RFFL: variants seen among roughly 807,000 people sequenced by gnomAD.
RFFL encodes the protein ring finger and FYVE like domain containing E3 ubiquitin protein ligase.
A neutral mutation model predicts 40.4 loss-of-function variants in RFFL; 16 were observed. The ratio of observed to expected loss-of-function variants is 0.40; its 90% CI spans 0.27 to 0.60. RFFL has a LOEUF of 0.60. Ranked by LOEUF, RFFL falls within the 20% of genes least tolerant of loss-of-function variation. RFFL has a pLI of 0.47. For missense variants in RFFL, 367 were observed against 451.7 expected (o/e 0.81, Z 1.70); for synonymous variants, 154 against 167.9 (o/e 0.92, Z 0.64).
At chr17:35,047,187 AT>A (rs1034467820) in intron 1 of RFFL, among the ~76,000 whole-genome samples, 2 of 151,706 alleles carry the variant, frequency 1.3e-5, no homozygotes, top group African/African-American at 4.8e-5. Flanking sequence ...GGTAACCAGG[AT>A]TTTTTTTTAA....
chr17:35,030,339 C>G (rs2091074750), intron 1 of RFFL, among the ~76,000 whole-genome samples: 1 of 150,546 alleles, frequency 6.6e-6, no homozygotes, highest in South Asian at 2.1e-4. Flanking sequence ...TTCTCCACAT[C>G]CTCTCCAGCA....
At chr17:35,046,246 C>T (rs1380782517) in intron 1 of RFFL, among the ~76,000 whole-genome samples, 2 of 152,164 alleles carry the variant, frequency 1.3e-5, no homozygotes, top group South Asian at 2.1e-4. Context: ...GGAAGAGGAA[C>T]AAGACGGTCA....
chr17:35,027,915 C>T (rs1433429599), intron 1 of RFFL, among the ~76,000 whole-genome samples: 2 of 151,974 alleles, frequency 1.3e-5, no homozygotes, highest in East Asian at 1.9e-4. Context: ...CGCCTGTAAC[C>T]CCAGCTACTT....
intron 1 of RFFL, among the ~76,000 whole-genome samples, chr17:35,086,728 C>G (rs1003192366): frequency 6.6e-6 from 1 of 152,098 alleles, no homozygotes; most frequent in Non-Finnish European, 1.5e-5. Context: ...TTATGAGATT[C>G]TAAGGTATAG....
chr17:35,039,318 C>G (rs2091147237), intron 1 of RFFL, among the ~76,000 whole-genome samples: 1 of 152,126 alleles, frequency 6.6e-6, no homozygotes. Context: ...CTGCTGGGTT[C>G]AAGCGATTCT....
chr17:35,014,224 T>G (rs1392663574), intron 6 of RFFL, among the ~76,000 whole-genome samples: 1 of 152,106 alleles, frequency 6.6e-6, no homozygotes, highest in Admixed American at 6.5e-5. Context: ...GATATATAGC[T>G]TGTGCCCAGA....
chr17:35,013,600 G>A (rs1327674534), intron 6 of RFFL, among the ~76,000 whole-genome samples: 1 of 152,188 alleles, frequency 6.6e-6, no homozygotes, highest in Non-Finnish European at 1.5e-5. Flanking sequence ...TTCCCCCTAG[G>A]AGGTAGGCTG....
chr17:35,017,629 T>C, intron 3 of RFFL, 23 bp from the exon 4 acceptor site: 1 of 1,520,028 alleles, frequency 6.6e-7, no homozygotes, highest in Non-Finnish European at 9.1e-7. Context: ...AAAAGTAACA[T>C]CACATCTAGA....
intron 1 of RFFL, among the ~76,000 whole-genome samples, chr17:35,077,842 A>C (rs1032816652): frequency 6.6e-6 from 1 of 152,226 alleles, no homozygotes; most frequent in Non-Finnish European, 1.5e-5. Flanking sequence ...CAGGGAGGCC[A>C]AAAGATGGCA....
intron 5 of RFFL, 98 bp downstream of exon 5, chr17:35,016,272 T>G (rs2090972385): frequency 9.4e-7 from 1 of 1,067,164 alleles, no homozygotes; most frequent in Non-Finnish European, 1.4e-6. Context: ...CTTCCATGGC[T>G]TAAGTGTGGA....
chr17:35,067,550 C>T (rs540509711), upstream of RFFL, among the ~76,000 whole-genome samples: 10 of 151,232 alleles, frequency 6.6e-5, no homozygotes, highest in African/African-American at 2.2e-4. Flanking sequence ...CCTCCACCTC[C>T]GGGTTCAAGC....
At chr17:35,086,391 T>C (rs769160191) in intron 1 of RFFL, among the ~76,000 whole-genome samples, 1 of 151,644 alleles carries the variant, frequency 6.6e-6, no homozygotes, top group Admixed American at 6.6e-5. Flanking sequence ...GAGGCGAGGA[T>C]TGCGTGAGCC....
Position 35,010,384 on chromosome 17 carries a change from C to T in RFFL, c.*1584G>A, listed in dbSNP as rs553062713. The stretch of plus-strand genomic sequence containing the variant: ...AGCAAACTCTTAAGTCCTCCAGCTC[C>T]TCTAGGGGTGTAAAGACTGTGAGGG... On this transcript the variant is annotated 3_prime_UTR_variant, in exon 7 of 7. Transcript: ENST00000394597. 1 of 152,258 alleles carries T rather than the reference C, an allele frequency of 6.6e-6. No homozygotes were observed. Among genetic ancestry groups the T allele is most frequent in the Non-Finnish European group, 1.5e-5 (1 of 68,080 alleles). 9.4% of individuals were successfully genotyped at this position (152,258 alleles called of 1,614,324 possible).
intron 1 of RFFL, among the ~76,000 whole-genome samples, chr17:35,083,869 C>A (rs1478865931): frequency 6.6e-6 from 1 of 151,110 alleles, no homozygotes; most frequent in East Asian, 2.0e-4. Context: ...GGAGATAATG[C>A]CCCCCCCACC....
At chr17:35,047,511 A>G (rs2091206120) in intron 1 of RFFL, among the ~76,000 whole-genome samples, 2 of 152,196 alleles carry the variant, frequency 1.3e-5, no homozygotes. Flanking sequence ...TAATTTAAAG[A>G]AAGTACTTTG....
In RFFL at chr17:35,006,602, A is replaced by T. The variant is rs1262265989; in HGVS notation, c.*5366T>A. On this transcript the variant is annotated 3_prime_UTR_variant, in exon 7 of 7. Coordinates refer to ENST00000394597, the MANE Select transcript of RFFL (RefSeq NM_001017368.2). ...AGACCCTACCCGGGAGAAGGGCCTAACCTATGACTTTAGAACCCTCAGTTG... is the reference window on the plus strand; with the variant it reads ...AGACCCTACCCGGGAGAAGGGCCTATCCTATGACTTTAGAACCCTCAGTTG... The T allele has an allele frequency of 6.6e-6, 1 of 152,180 alleles. No homozygotes were observed. The highest frequency in any genetic ancestry group is 2.4e-5 in the African/African-American group (1 of 41,414). 9.4% of individuals were successfully genotyped at this position (152,180 alleles called of 1,614,324 possible). A position where few individuals can be genotyped will look rare whatever the true frequency, so the allele number is the denominator to read the frequency against.
rs577120335 is a variant in RFFL at position 35,021,235 on chromosome 17, A to G, written c.591+136T>C. On this transcript the variant is annotated intron_variant, in intron 3 of 6. Coordinates refer to ENST00000394597, the MANE Select transcript of RFFL (RefSeq NM_001017368.2). ...CTGATACCCAGAAAACACTTGGTGC[A>G]CCAGTAGTCAGAAAGGCTTCACATA... The G allele has an allele frequency of 3.2e-4, 276 of 855,168 alleles. 2 individuals are homozygous for G. In the South Asian group the frequency reaches 6.1e-3, roughly 19 times the overall value. The allele number at this position is 855,168 out of a possible 1,614,324, so 53.0% of individuals were successfully genotyped here. A position where few individuals can be genotyped will look rare whatever the true frequency, so the allele number is the denominator to read the frequency against.
rs3833128 is a variant in RFFL, at chr17:35,006,814, G to GC, written c.*5153dup. 22,216 of 145,252 alleles carry GC rather than the reference G, an allele frequency of 0.15. 1,629 individuals are homozygous for GC. Among genetic ancestry groups the GC allele is most frequent in the East Asian group, 0.22 (1,031 of 4,792 alleles). 9.0% of individuals were successfully genotyped at this position (145,252 alleles called of 1,614,324 possible). A position where few individuals can be genotyped will look rare whatever the true frequency, so the allele number is the denominator to read the frequency against. On this transcript the variant is annotated 3_prime_UTR_variant, in exon 7 of 7. Coordinates refer to ENST00000394597, the MANE Select transcript of RFFL (RefSeq NM_001017368.2). ...CACTGCGCCCCCTGGCCACCCCACC[G>GC]CCCCCCCCCAACTTTGATCTGATTG...
At chr17:35,036,754 T>C (rs1049915361) in intron 1 of RFFL, among the ~76,000 whole-genome samples, 2 of 152,204 alleles carry the variant, frequency 1.3e-5, no homozygotes, top group African/African-American at 2.4e-5. Context: ...GGTACAGTCA[T>C]AGTTAGAGGC....
Sources: allele counts gnomAD v4.1 joint callset (sites outside exome capture counted in the v4.1 genomes callset), GRCh38; gene constraint gnomAD v4.1.1; transcripts MANE v1.5; gene names NCBI Gene and HGNC (gene_info 2026-07-23, HGNC 2026-07-21).